The following AFF1 variants were observed in gnomAD, a reference collection of about 807,000 sequenced individuals.
The protein encoded by AFF1 is AF4/FMR2 family member 1.
A neutral mutation model predicts 121.7 loss-of-function variants in AFF1; 48 were observed. That is an observed-to-expected ratio of 0.39 (90% CI 0.31 to 0.50). AFF1 has a LOEUF of 0.50. Among genes scored for constraint, AFF1 ranks in the 20% least tolerant of loss-of-function variants. The pLI, the probability that AFF1 is intolerant of heterozygous loss-of-function variation, is 0.76. For missense variants in AFF1, 1,523 were observed against 1,511.7 expected, an observed-to-expected ratio of 1.01 and a Z score of -0.12; for synonymous variants, 613 against 563.0, an observed-to-expected ratio of 1.09 and a Z score of -1.26.
At chr4:87,007,476 T>C (rs1726279772) in intron 2 of AFF1, 1 of 1,611,952 alleles carries the variant, frequency 6.2e-7, no homozygotes, top group Non-Finnish European at 8.5e-7. Flanking sequence ...CGAGGGGAGC[T>C]GAAGGTTGCG....
intron 2 of AFF1, among the ~76,000 whole-genome samples, chr4:87,011,949 A>G (rs1351131748): frequency 6.6e-6 from 1 of 152,246 alleles, no homozygotes; most frequent in African/African-American, 2.4e-5. Flanking sequence ...GATATTCCAT[A>G]GCTGGATTTA....
intron 2 of AFF1, among the ~76,000 whole-genome samples, chr4:86,975,657 T>TC (rs1297993742): frequency 1.3e-5 from 2 of 151,984 alleles, no homozygotes; most frequent in Non-Finnish European, 2.9e-5. Context: ...CTTTTTTTTC[T>TC]CCCCCCAAGG....
Position 87,141,013 on chromosome 4 carries a change from AAAATT to A in AFF1, c.*5315_*5319del. 1 of 177,496 alleles carries A rather than the reference AAAATT, an allele frequency of 5.6e-6. No individual in the cohort carries two copies. Among genetic ancestry groups the A allele is most frequent in the African/African-American group, 2.4e-5 (1 of 42,350 alleles). The allele number at this position is 177,496 out of a possible 1,614,324, so 11.0% of individuals were successfully genotyped here. A position where few individuals can be genotyped will look rare whatever the true frequency, so the allele number is the denominator to read the frequency against. The stretch of plus-strand genomic sequence containing the variant: ...GAGGATCAAGCTGTAAAAAAACAAA[AAAATT>A]AATAAAAATTTCGAGAAATCATTGG... On this transcript the variant is annotated 3_prime_UTR_variant, in exon 21 of 21. Transcript: ENST00000395146.
At chr4:87,091,883 T>G in intron 7 of AFF1, 54 bp downstream of exon 7, 1 of 1,324,828 alleles carries the variant, frequency 7.5e-7, no homozygotes, top group Non-Finnish European at 1.0e-6. Flanking sequence ...TAGCTTTTAC[T>G]GTTTAACGTA....
chr4:86,935,287 GC>G, intron 1 of AFF1, 47 bp downstream of exon 1: 1 of 152,544 alleles, frequency 6.6e-6, no homozygotes, highest in Non-Finnish European at 1.5e-5. Flanking sequence ...GATCCGCCCG[GC>G]CCCCGACGCC....
In AFF1 at chr4:87,140,772, A is replaced by G. The variant is rs1381397083; in HGVS notation, c.*5071A>G. 5.3e-6 allele frequency: 1 copy of G among 189,462 alleles called. No individual in the cohort carries two copies. The highest frequency in any genetic ancestry group is 2.3e-5 in the African/African-American group (1 of 42,812). The allele number at this position is 189,462 out of a possible 1,614,324, so 11.7% of individuals were successfully genotyped here. A position where few individuals can be genotyped will look rare whatever the true frequency, so the allele number is the denominator to read the frequency against. ...TACCTACTTCAGCAATGGAACTGCA[A>G]CTTGGGGCTTTGTGAATAAAATTTA... On this transcript the variant is annotated 3_prime_UTR_variant, in exon 21 of 21. Coordinates refer to ENST00000395146, the MANE Select transcript of AFF1 (RefSeq NM_001166693.3).
In AFF1 at chr4:87,066,290, A is replaced by G. The variant is rs371342551; in HGVS notation, c.1060-17830A>G. Among the ~76,000 whole-genome samples, 56 of 152,262 alleles carry G rather than the reference A, an allele frequency of 3.7e-4. No homozygotes were observed. In the Middle Eastern group the frequency reaches 0.014, roughly 37 times the overall value. ...ATGTTTGGCTTTCTAGTGACCGGTC[A>G]TTGCCCTGCAGACTCTGTAATGGGA... On this transcript the variant is annotated intron_variant, in intron 4 of 20. Transcript: ENST00000395146.
At chr4:87,082,897 A>T (rs1723313165) in intron 4 of AFF1, among the ~76,000 whole-genome samples, 1 of 152,242 alleles carries the variant, frequency 6.6e-6, no homozygotes, top group Admixed American at 6.5e-5. Flanking sequence ...CACATAAATT[A>T]GAACCAAGAA....
intron 4 of AFF1, chr4:87,049,587 TGGCACCAGTGCA>T: frequency 4.6e-6 from 2 of 430,868 alleles, no homozygotes; most frequent in Admixed American, 2.6e-5. Flanking sequence ...GTTTTTTTTT[TGGCACCAGTGCA>T]TCTGCTGTCA....
At chr4:86,952,812 C>G (rs1368077070) in intron 2 of AFF1, among the ~76,000 whole-genome samples, 2 of 151,022 alleles carry the variant, frequency 1.3e-5, no homozygotes, top group Non-Finnish European at 2.9e-5. Flanking sequence ...TCCTGAGTAG[C>G]TGGCACTACA....
At chr4:87,103,596 C>G (rs183460127) in intron 8 of AFF1, among the ~76,000 whole-genome samples, 142 of 152,282 alleles carry the variant, frequency 9.3e-4, no homozygotes, top group Admixed American at 2.2e-3. Flanking sequence ...ATGTAATTCT[C>G]TGCAGGGAAA....
At chr4:86,952,044 T>TG (rs1721389135) in intron 2 of AFF1, among the ~76,000 whole-genome samples, 1 of 152,160 alleles carries the variant, frequency 6.6e-6, no homozygotes, top group Non-Finnish European at 1.5e-5. Flanking sequence ...TTGGGTCTGT[T>TG]GTTGGGCTGT....
At chr4:87,037,756 GC>G (rs762006600) in intron 2 of AFF1, among the ~76,000 whole-genome samples, 1 of 152,106 alleles carries the variant, frequency 6.6e-6, no homozygotes, top group Non-Finnish European at 1.5e-5. Context: ...AGTCACGTTT[GC>G]CCAAGTGTAG....
intron 2 of AFF1, among the ~76,000 whole-genome samples, chr4:87,002,093 C>A (rs565285433): frequency 5.3e-4 from 80 of 149,538 alleles, no homozygotes; most frequent in African/African-American, 1.9e-3. Flanking sequence ...TAAATTTTTT[C>A]TTTTCTTTTC....
At chr4:87,127,241 A>G (rs1578313127) in intron 15 of AFF1, 124 bp downstream of exon 15, 5 of 772,602 alleles carry the variant, frequency 6.5e-6, no homozygotes, top group Non-Finnish European at 1.1e-5. Flanking sequence ...GCTCACTGCA[A>G]CCTCCACCTC....
intron 1 of AFF1, among the ~76,000 whole-genome samples, chr4:86,937,164 A>G (rs1031440255): frequency 6.6e-6 from 1 of 152,246 alleles, no homozygotes; most frequent in Admixed American, 6.5e-5. Flanking sequence ...TTAAATATTA[A>G]TCTGCCTTAT....
intron 2 of AFF1, among the ~76,000 whole-genome samples, chr4:87,012,362 A>G (rs770117277): frequency 2.7e-4 from 41 of 151,934 alleles, no homozygotes; most frequent in Non-Finnish European, 4.4e-4. Flanking sequence ...TGTATGTGAG[A>G]TATAGTGGAA....
chr4:87,110,637 T>TA (rs963973376), intron 11 of AFF1, among the ~76,000 whole-genome samples: 12 of 151,738 alleles, frequency 7.9e-5, no homozygotes, highest in Admixed American at 1.3e-4. Context: ...ATGCTCTTTT[T>TA]AAAAAAAAAT....
chr4:87,050,801 G>A (rs1418617803), intron 4 of AFF1, among the ~76,000 whole-genome samples: 4 of 152,218 alleles, frequency 2.6e-5, no homozygotes, highest in Admixed American at 6.5e-5. Flanking sequence ...CGTGGATCCC[G>A]TCCAGCTGCA....
Sources: gnomAD v4.1 joint callset for allele counts (sites outside exome capture counted in the v4.1 genomes callset) on GRCh38, gnomAD v4.1.1 for gene constraint, MANE v1.5 for transcripts, NCBI Gene and HGNC (gene_info 2026-07-23, HGNC 2026-07-21) for gene names.